TTLL11: variants seen among roughly 807,000 people sequenced by gnomAD.
TTLL11 encodes the protein tubulin polyglutamylase TTLL11.
TTLL11 carries 42 observed loss-of-function variants against 51.7 expected under a neutral mutation model. The ratio of observed to expected loss-of-function variants is 0.81; its 90% CI spans 0.64 to 1.05. TTLL11 has a LOEUF of 1.05. Among genes scored for constraint, TTLL11 ranks in the 50% least tolerant of loss-of-function variants. The pLI, the probability that TTLL11 is intolerant of heterozygous loss-of-function variation, is 0.00. For synonymous variants in TTLL11, 381 were observed against 383.5 expected (o/e 0.99, Z 0.08); for missense variants, 799 against 940.4 (o/e 0.85, Z 1.97).
At chr9:121,914,716 C>T (rs555517134) in intron 6 of TTLL11, among the ~76,000 whole-genome samples, 84 of 152,304 alleles carry the variant, frequency 5.5e-4, no homozygotes, top group Non-Finnish European at 9.3e-4. Context: ...TGCCTGCGCT[C>T]CTGCAGAGTC....
At chr9:122,049,111 C>T (rs1206186642) in intron 1 of TTLL11, among the ~76,000 whole-genome samples, 1 of 152,028 alleles carries the variant, frequency 6.6e-6, no homozygotes, top group Non-Finnish European at 1.5e-5. Flanking sequence ...CCAGTGTTAG[C>T]AATGCCTGCA....
At chr9:121,936,633 C>T (rs1156891567) in intron 6 of TTLL11, among the ~76,000 whole-genome samples, 1 of 152,138 alleles carries the variant, frequency 6.6e-6, no homozygotes, top group Non-Finnish European at 1.5e-5. Flanking sequence ...CTGGAAGGTC[C>T]TTTCCTTGCC....
intron 4 of TTLL11, among the ~76,000 whole-genome samples, chr9:121,981,392 A>G (rs1319647830): frequency 6.6e-6 from 1 of 152,166 alleles, no homozygotes; most frequent in African/African-American, 2.4e-5. Context: ...CTGTTATAGA[A>G]GTTTCATTTG....
chr9:122,055,203 G>GGATAGATAGATAGATC (rs1845258994), intron 1 of TTLL11, among the ~76,000 whole-genome samples: 1 of 144,652 alleles, frequency 6.9e-6, no homozygotes, highest in African/African-American at 2.6e-5. Context: ...AGGACTAATA[G>GGATAGATAGATAGATC]GATAGATAGA....
intron 6 of TTLL11, among the ~76,000 whole-genome samples, chr9:121,934,332 A>G (rs925889535): frequency 2.0e-5 from 3 of 152,222 alleles, no homozygotes; most frequent in Non-Finnish European, 1.5e-5. Context: ...CATACCTGCA[A>G]CACTTGGAAA....
intron 1 of TTLL11, among the ~76,000 whole-genome samples, chr9:122,039,650 C>T (rs1259607593): frequency 1.3e-5 from 2 of 152,110 alleles, no homozygotes; most frequent in African/African-American, 2.4e-5. Flanking sequence ...TATAACTACC[C>T]TATAAAGGAT....
chr9:121,983,548 G>A (rs570069052), intron 4 of TTLL11, among the ~76,000 whole-genome samples: 13 of 152,320 alleles, frequency 8.5e-5, no homozygotes, highest in Admixed American at 5.2e-4. Context: ...TCCAGAAGAA[G>A]AGGCTGAGAA....
chr9:122,062,462 CTTT>C (rs386416145), intron 1 of TTLL11, among the ~76,000 whole-genome samples: 6 of 77,678 alleles, frequency 7.7e-5, no homozygotes, highest in African/African-American at 1.1e-4. Flanking sequence ...TTATATTATG[CTTT>C]TTTTTTTTTT....
chr9:121,828,448 T>C (rs1272285899), intron 8 of TTLL11, among the ~76,000 whole-genome samples: 1 of 152,184 alleles, frequency 6.6e-6, no homozygotes, highest in Non-Finnish European at 1.5e-5. Context: ...GTGCTGGTAT[T>C]ACAGGCATGA....
At chr9:121,893,407 T>C (rs1187148081) in intron 6 of TTLL11, among the ~76,000 whole-genome samples, 2 of 152,050 alleles carry the variant, frequency 1.3e-5, no homozygotes, top group African/African-American at 4.8e-5. Flanking sequence ...GTTGTGACCA[T>C]GATTTTACAA....
chr9:121,953,429 T>C (rs1841910802), intron 6 of TTLL11, among the ~76,000 whole-genome samples: 1 of 151,828 alleles, frequency 6.6e-6, no homozygotes. Flanking sequence ...GGCCAGGAGT[T>C]CGAGACCTGC....
chr9:121,968,683 A>G (rs1842475891), intron 6 of TTLL11, among the ~76,000 whole-genome samples: 1 of 151,980 alleles, frequency 6.6e-6, no homozygotes, highest in Non-Finnish European at 1.5e-5. Flanking sequence ...CAGCCTCCCG[A>G]GTAGCTGGGA....
chr9:121,837,539 A>G (rs1837215254), intron 8 of TTLL11, among the ~76,000 whole-genome samples: 2 of 151,736 alleles, frequency 1.3e-5, no homozygotes, highest in South Asian at 4.2e-4. Context: ...TGAGGGGAGG[A>G]AAGGGAGTTT....
chr9:121,857,354 G>T (rs1187336639), intron 8 of TTLL11, among the ~76,000 whole-genome samples: 7 of 152,196 alleles, frequency 4.6e-5, no homozygotes, highest in African/African-American at 1.7e-4. Context: ...CCCTGGATGG[G>T]GGGAGAGCAC....
intron 4 of TTLL11, among the ~76,000 whole-genome samples, chr9:121,982,605 C>A (rs935400107): frequency 2.0e-5 from 3 of 150,672 alleles, no homozygotes; most frequent in Non-Finnish European, 4.4e-5. Flanking sequence ...AGCTGTAATC[C>A]AGCTACTTGG....
intron 3 of TTLL11, among the ~76,000 whole-genome samples, chr9:122,004,128 A>T (rs186964143): frequency 7.2e-5 from 11 of 152,058 alleles, no homozygotes; most frequent in South Asian, 2.1e-4. Flanking sequence ...TCTCAAAAAA[A>T]AATAATAAAA....
intron 6 of TTLL11, among the ~76,000 whole-genome samples, chr9:121,959,660 T>G (rs909683961): frequency 1.3e-5 from 2 of 152,142 alleles, no homozygotes; most frequent in Non-Finnish European, 1.5e-5. Flanking sequence ...CCAAAACTCG[T>G]AACTGTCCCA....
intron 4 of TTLL11, among the ~76,000 whole-genome samples, chr9:121,986,147 C>T (rs1223474155): frequency 1.2e-4 from 18 of 152,222 alleles, no homozygotes; most frequent in Admixed American, 1.2e-3. Context: ...ACTGTGGTTC[C>T]ACTTGCAGAC....
At chr9:121,922,377 T>G (rs1024919754) in intron 6 of TTLL11, among the ~76,000 whole-genome samples, 8 of 152,206 alleles carry the variant, frequency 5.3e-5, no homozygotes, top group African/African-American at 1.9e-4. Context: ...TGTTGAATTT[T>G]TAATGTTGCA....
Sources: allele counts gnomAD v4.1 joint callset (sites outside exome capture counted in the v4.1 genomes callset), GRCh38; gene constraint gnomAD v4.1.1; transcripts MANE v1.5; gene names NCBI Gene and HGNC (gene_info 2026-07-23, HGNC 2026-07-21).